The following HHAT variants were observed in gnomAD, a reference collection of about 807,000 sequenced individuals.
The protein encoded by HHAT is protein-cysteine N-palmitoyltransferase HHAT.
In HHAT, 47 loss-of-function variants were observed where a neutral mutation model predicts 70.8. The observed-to-expected ratio is 0.66, with a 90% CI of 0.53 to 0.85. The LOEUF (loss-of-function observed/expected upper bound fraction) is 0.85, where lower values mean the gene tolerates loss of function less well. HHAT is among the 40% of genes least tolerant of loss of function. The pLI is 0.00. For missense variants in HHAT, 609 were observed against 604.8 expected, an observed-to-expected ratio of 1.01 and a Z score of -0.07; for synonymous variants, 228 against 247.6, an observed-to-expected ratio of 0.92 and a Z score of 0.74.
At chr1:210,662,884 A>G (rs1678061539) in intron 11 of HHAT, among the ~76,000 whole-genome samples, 1 of 152,100 alleles carries the variant, frequency 6.6e-6, no homozygotes, top group Admixed American at 6.5e-5. Flanking sequence ...TTGACTGTGA[A>G]CAGTGTGATT....
At chr1:210,372,930 A>G (rs2089705940) in intron 3 of HHAT, among the ~76,000 whole-genome samples, 1 of 152,106 alleles carries the variant, frequency 6.6e-6, no homozygotes. Context: ...TTAATCCATC[A>G]CATATTGAGC....
At chr1:210,459,316 C>A (rs1440178042) in intron 7 of HHAT, among the ~76,000 whole-genome samples, 1 of 152,176 alleles carries the variant, frequency 6.6e-6, no homozygotes, top group Non-Finnish European at 1.5e-5. Flanking sequence ...TACTGTGATA[C>A]AGTTCGTCTT....
rs544253207 is a variant in HHAT, at chr1:210,568,300, T to C, written c.1044-19598T>C. 7.4e-4 allele frequency among the ~76,000 whole-genome samples: 112 copies of C among 152,370 alleles called. 1 individual carries two copies. The highest frequency in any genetic ancestry group is 2.6e-3 in the African/African-American group (110 of 41,588). On this transcript the variant is annotated intron_variant, in intron 9 of 11. Transcript: ENST00000261458. ...GCTCCTTCCACCATATTTTGCTTTA[T>C]GCATCTCTTCATCTCTATCTTTTGT...
intron 9 of HHAT, among the ~76,000 whole-genome samples, chr1:210,552,819 C>T (rs1351734157): frequency 3.9e-5 from 6 of 152,146 alleles, no homozygotes; most frequent in African/African-American, 1.4e-4. Context: ...TAATAATGGA[C>T]CTCCTCATTC....
chr1:210,575,843 C>T (rs1397286994), intron 9 of HHAT, among the ~76,000 whole-genome samples: 2 of 152,170 alleles, frequency 1.3e-5, no homozygotes, highest in Non-Finnish European at 2.9e-5. Context: ...CAGTTAGTTA[C>T]TGCAGTAACT....
intron 8 of HHAT, among the ~76,000 whole-genome samples, chr1:210,498,624 G>C (rs546413433): frequency 6.6e-6 from 1 of 152,196 alleles, no homozygotes; most frequent in South Asian, 2.1e-4. Context: ...GGTGGCTACT[G>C]AAGGTGTTGT....
chr1:210,430,147 G>A (rs1024587386), intron 7 of HHAT, among the ~76,000 whole-genome samples: 2 of 151,778 alleles, frequency 1.3e-5, no homozygotes, highest in Non-Finnish European at 2.9e-5. Flanking sequence ...CCTTTTGGAT[G>A]CTAAAATTGT....
chr1:210,574,201 G>T (rs1657082551), intron 9 of HHAT, among the ~76,000 whole-genome samples: 1 of 152,176 alleles, frequency 6.6e-6, no homozygotes, highest in Non-Finnish European at 1.5e-5. Flanking sequence ...CAAAGGGTGA[G>T]ATTGGCTGGG....
At chr1:210,337,481 G>A (rs1003476580) in intron 1 of HHAT, among the ~76,000 whole-genome samples, 1 of 152,062 alleles carries the variant, frequency 6.6e-6, no homozygotes, top group Non-Finnish European at 1.5e-5. Context: ...GGGTCAGCAG[G>A]GTTCATTTGT....
chr1:210,554,774 T>C (rs1454377419), intron 9 of HHAT, among the ~76,000 whole-genome samples: 1 of 152,030 alleles, frequency 6.6e-6, no homozygotes, highest in Non-Finnish European at 1.5e-5. Context: ...TCACTGGAGA[T>C]CTGAGGGTCA....
intron 1 of HHAT, among the ~76,000 whole-genome samples, chr1:210,331,979 A>G (rs2085031015): frequency 6.6e-6 from 1 of 152,226 alleles, no homozygotes; most frequent in South Asian, 2.1e-4. Context: ...ACTTCTGTGT[A>G]TAAAAGATGT....
chr1:210,413,133 A>G (rs2092615315), intron 6 of HHAT, among the ~76,000 whole-genome samples: 1 of 152,238 alleles, frequency 6.6e-6, no homozygotes, highest in Non-Finnish European at 1.5e-5. Context: ...ATAATGTTAC[A>G]TTACTTTTTC....
chr1:210,398,591 G>C (rs1288215849), intron 4 of HHAT, among the ~76,000 whole-genome samples: 1 of 152,114 alleles, frequency 6.6e-6, no homozygotes, highest in Non-Finnish European at 1.5e-5. Flanking sequence ...TTCAGTCTGT[G>C]GTAAGTTCCC....
chr1:210,484,494 CTT>C (rs11295259), intron 8 of HHAT, among the ~76,000 whole-genome samples: 1,976 of 145,700 alleles, frequency 0.014, 22 homozygotes, highest in Admixed American at 0.036. Flanking sequence ...ACCATAGCTA[CTT>C]TTTTTTTTTT....
rs150566438 is a variant in HHAT at position 210,476,648 on chromosome 1, C to T, written c.1007+11993C>T. ...ATCAGGCAAAATACCACTGAACTTCCGGAGGCCAGGGACTGCTATACCTTA... is the reference window on the plus strand; with the variant it reads ...ATCAGGCAAAATACCACTGAACTTCTGGAGGCCAGGGACTGCTATACCTTA... On this transcript the variant is annotated intron_variant, in intron 8 of 11. Transcript: ENST00000261458. Among the ~76,000 whole-genome samples the T allele has an allele frequency of 1.9e-3, 285 of 152,286 alleles. 1 individual carries two copies. Among genetic ancestry groups the T allele is most frequent in the African/African-American group, 6.4e-3 (267 of 41,574 alleles).
chr1:210,432,357 AAGG>A lies in HHAT; in HGVS notation c.856+14037_856+14039del, dbSNP rs1219100301. ...GAATGAGAAGGAATGTTAATAAACA[AAGG>A]AGGAAGCCAGTGGTTTTGTGAAGGT... On this transcript the variant is annotated intron_variant, in intron 7 of 11. Coordinates refer to ENST00000261458, the MANE Select transcript of HHAT (RefSeq NM_018194.6). Among the ~76,000 whole-genome samples the A allele has an allele frequency of 5.3e-5, 8 of 151,948 alleles. 1 individual carries two copies. The highest frequency in any genetic ancestry group is 1.9e-4 in the African/African-American group (8 of 41,174).
chr1:210,443,467 C>T (rs1487045822), intron 7 of HHAT, among the ~76,000 whole-genome samples: 1 of 146,556 alleles, frequency 6.8e-6, no homozygotes. Context: ...TGGATTCTTC[C>T]TACCCATGAG....
intron 3 of HHAT, among the ~76,000 whole-genome samples, chr1:210,380,978 T>C (rs1022660970): frequency 2.6e-5 from 4 of 151,818 alleles, no homozygotes; most frequent in Admixed American, 2.6e-4. Context: ...GAATATTAAG[T>C]GGGGGAAATA....
intron 8 of HHAT, among the ~76,000 whole-genome samples, chr1:210,502,776 A>C (rs534174113): frequency 3.0e-4 from 45 of 152,362 alleles, no homozygotes; most frequent in African/African-American, 9.9e-4. Context: ...AACAACTTAT[A>C]AATTCATGTT....
Sources: gnomAD v4.1 joint callset for allele counts (sites outside exome capture counted in the v4.1 genomes callset) on GRCh38, gnomAD v4.1.1 for gene constraint, MANE v1.5 for transcripts, NCBI Gene and HGNC (gene_info 2026-07-23, HGNC 2026-07-21) for gene names.